Variants in GPR158 observed in about 807,000 individuals in gnomAD.
The protein encoded by GPR158 is G protein-coupled receptor 158, also known as metabotropic glycine receptor.
In GPR158, 30 loss-of-function variants were observed where a neutral mutation model predicts 78.2. The observed-to-expected ratio is 0.38, with a 90% CI of 0.29 to 0.52. The LOEUF (loss-of-function observed/expected upper bound fraction) is 0.52. Among genes scored for constraint, GPR158 ranks in the 20% least tolerant of loss-of-function variants. GPR158 has a pLI of 0.83. For missense variants in GPR158, 1,463 were observed against 1,523.5 expected, an observed-to-expected ratio of 0.96 and a Z score of 0.66; for synonymous variants, 581 against 591.1, an observed-to-expected ratio of 0.98 and a Z score of 0.25.
At chr10:25,187,208 G>A (rs535393552) in intron 1 of GPR158, among the ~76,000 whole-genome samples, 3 of 151,728 alleles carry the variant, frequency 2.0e-5, no homozygotes, top group Non-Finnish European at 2.9e-5. Flanking sequence ...CTCGTGATCC[G>A]CCTGTCTTGG....
At chr10:25,286,935 A>T (rs1854358632) in intron 2 of GPR158, among the ~76,000 whole-genome samples, 1 of 152,144 alleles carries the variant, frequency 6.6e-6, no homozygotes, top group Non-Finnish European at 1.5e-5. Context: ...GCTGTGCCTT[A>T]GAGAGAATTT....
At chr10:25,342,936 G>C (rs927813257) in intron 2 of GPR158, among the ~76,000 whole-genome samples, 4 of 151,810 alleles carry the variant, frequency 2.6e-5, no homozygotes, top group Non-Finnish European at 5.9e-5. Flanking sequence ...GATAAGTGGG[G>C]CTCCAGCTTT....
intron 2 of GPR158, among the ~76,000 whole-genome samples, chr10:25,262,924 C>T (rs1045500661): frequency 2.5e-4 from 38 of 152,156 alleles, no homozygotes; most frequent in African/African-American, 9.2e-4. Flanking sequence ...TGAATGTTAA[C>T]AGTTCTTTGC....
At chr10:25,273,168 C>G (rs1854139121) in intron 2 of GPR158, among the ~76,000 whole-genome samples, 1 of 152,182 alleles carries the variant, frequency 6.6e-6, no homozygotes, top group South Asian at 2.1e-4. Flanking sequence ...CATATCCTCT[C>G]TAGTTTGTTC....
At chr10:25,439,267 G>C (rs115831061) in intron 4 of GPR158, among the ~76,000 whole-genome samples, 9,197 of 152,226 alleles carry the variant, frequency 0.06, 371 homozygotes, top group South Asian at 0.14. Flanking sequence ...ACAAGAGAAG[G>C]AATGAGAAAG....
chr10:25,540,977 T>TATATATATAA (rs1290032092), intron 5 of GPR158, among the ~76,000 whole-genome samples: 2 of 49,588 alleles, frequency 4.0e-5, no homozygotes, highest in African/African-American at 2.5e-4. Context: ...TATATATATA[T>TATATATATAA]AAAGTTTATC....
At chr10:25,378,408 T>A (rs1171220743) in intron 2 of GPR158, among the ~76,000 whole-genome samples, 1 of 151,628 alleles carries the variant, frequency 6.6e-6, no homozygotes. Context: ...TAGGCAAGTT[T>A]TTTTTTTTAA....
rs146952840 is a variant in GPR158, at chr10:25,399,455, C to T, written c.1111+3442C>T. ...ATTTGTGAGGGATCTAGGTTGCATG[C>T]TCCTTATGAGAATCTAATGCCTGAT... On this transcript the variant is annotated intron_variant, in intron 3 of 10. Transcript: ENST00000376351. Among the ~76,000 whole-genome samples, 825 of 152,230 alleles carry T rather than the reference C, an allele frequency of 5.4e-3. 11 individuals carry two copies. Among genetic ancestry groups the T allele is most frequent in the African/African-American group, 0.019 (798 of 41,550 alleles).
Position 25,598,545 on chromosome 10 carries a change from T to G in GPR158, c.2919T>G (p.Ser973=). Reference sequence around the variant, plus strand: ...AGGAGCCAAGAAAGCCTCAGAAATCTGGGATTATGAAACAACAAAGGGTCA... The same window carrying G: ...AGGAGCCAAGAAAGCCTCAGAAATCGGGGATTATGAAACAACAAAGGGTCA... ...PAEEPRKPQK[S]GIMKQQRVNP... The change falls in exon 11 of 11, where the codon TCT becomes TCG. Residue 973 remains serine (S), a synonymous_variant. Transcript: ENST00000376351. The G allele has an allele frequency of 6.2e-7, 1 of 1,613,868 alleles. No homozygotes were observed. Among genetic ancestry groups the G allele is most frequent in the African/African-American group, 1.3e-5 (1 of 74,950 alleles).
At chr10:25,445,331 A>G (rs1835126503) in intron 4 of GPR158, among the ~76,000 whole-genome samples, 1 of 152,202 alleles carries the variant, frequency 6.6e-6, no homozygotes, top group Admixed American at 6.5e-5. Context: ...TAAAAGGGGT[A>G]CAGTATATTC....
intron 7 of GPR158, among the ~76,000 whole-genome samples, chr10:25,573,110 T>A (rs962684131): frequency 2.0e-5 from 3 of 152,216 alleles, no homozygotes; most frequent in African/African-American, 2.4e-5. Context: ...GTTGATAAAA[T>A]GTAATCAAAT....
At position 25,237,939 on chromosome 10, in the gene GPR158, T is replaced by TCTCACTCCCTCC. The variant is rs543401558; in HGVS notation, c.1008+16784_1008+16795dup. Among the ~76,000 whole-genome samples, 629 of 151,214 alleles carry TCTCACTCCCTCC rather than the reference T, an allele frequency of 4.2e-3. 4 individuals carry two copies. Among genetic ancestry groups the TCTCACTCCCTCC allele is most frequent in the African/African-American group, 0.015 (607 of 40,874 alleles). ...TTCCACCTCCCTCTTTCCCTCCCTT[T>TCTCACTCCCTCC]CTCACTCCCTCCCCTTTCTTTGCCC... On this transcript the variant is annotated intron_variant, in intron 2 of 10. Coordinates refer to ENST00000376351, the MANE Select transcript of GPR158 (RefSeq NM_020752.3).
chr10:25,323,421 C>A (rs1313019688), intron 2 of GPR158, among the ~76,000 whole-genome samples: 1 of 152,154 alleles, frequency 6.6e-6, no homozygotes, highest in Non-Finnish European at 1.5e-5. Flanking sequence ...CTTCTCCTCT[C>A]TAGCTATGAA....
At chr10:25,204,980 T>A (rs1315221436) in intron 1 of GPR158, among the ~76,000 whole-genome samples, 3 of 152,024 alleles carry the variant, frequency 2.0e-5, no homozygotes, top group Non-Finnish European at 2.9e-5. Flanking sequence ...TGGGGGTGGC[T>A]TCCCCCATAC....
intron 2 of GPR158, among the ~76,000 whole-genome samples, chr10:25,384,100 A>T (rs1269821041): frequency 6.6e-6 from 1 of 152,054 alleles, no homozygotes; most frequent in Non-Finnish European, 1.5e-5. Flanking sequence ...ATTATTTATT[A>T]TCTCATATAC....
chr10:25,579,151 ATTTTT>A (rs967956470), intron 7 of GPR158, among the ~76,000 whole-genome samples: 10 of 146,402 alleles, frequency 6.8e-5, no homozygotes, highest in African/African-American at 2.0e-4. Context: ...CGACTGTCAG[ATTTTT>A]TTTTTTTTTC....
At chr10:25,363,705 T>A (rs142821475) in intron 2 of GPR158, among the ~76,000 whole-genome samples, 10 of 151,868 alleles carry the variant, frequency 6.6e-5, no homozygotes, top group African/African-American at 2.4e-4. Context: ...TCTGGTTGAA[T>A]CCTGGATCCT....
intron 5 of GPR158, among the ~76,000 whole-genome samples, chr10:25,527,213 A>C (rs1027021396): frequency 6.6e-6 from 1 of 152,230 alleles, no homozygotes; most frequent in East Asian, 1.9e-4. Flanking sequence ...ACCTTTGTGC[A>C]AAATAATGAT....
chr10:25,362,901 A>T (rs756054232), intron 2 of GPR158, among the ~76,000 whole-genome samples: 10 of 151,940 alleles, frequency 6.6e-5, no homozygotes, highest in Non-Finnish European at 1.5e-4. Context: ...TAATATTAAT[A>T]TAACCACACA....
Sources: gnomAD v4.1 joint callset for allele counts (sites outside exome capture counted in the v4.1 genomes callset) on GRCh38, gnomAD v4.1.1 for gene constraint, MANE v1.5 for transcripts, NCBI Gene and HGNC (gene_info 2026-07-23, HGNC 2026-07-21) for gene names.